Variants in RYR3 observed in about 807,000 individuals in gnomAD.
The protein encoded by RYR3 is brain ryanodine receptor-calcium release channel.
A neutral mutation model predicts 584.3 loss-of-function variants in RYR3; 207 were observed. The ratio of observed to expected loss-of-function variants is 0.35; its 90% CI spans 0.32 to 0.40. The LOEUF is 0.40. RYR3 is among the 10% of genes least tolerant of loss of function. The probability of loss-of-function intolerance (pLI) is 1.00; values close to 1 mark genes in which losing one functional copy is unlikely to be tolerated. For missense variants in RYR3, 5,616 were observed against 6,089.2 expected (o/e 0.92, Z 2.59); for synonymous variants, 2,416 against 2,248.5 (o/e 1.07, Z -2.11).
chr15:33,823,739 A>T (rs1383500282), intron 81 of RYR3, among the ~76,000 whole-genome samples: 1 of 152,230 alleles, frequency 6.6e-6, no homozygotes, highest in Non-Finnish European at 1.5e-5. Flanking sequence ...CTGAATTCAG[A>T]GATGAGCCAG....
Position 33,670,828 on chromosome 15 carries a change from A to G in RYR3, c.5860+272A>G, listed in dbSNP as rs1330313947. Among the ~76,000 whole-genome samples the G allele has an allele frequency of 7.9e-5, 12 of 152,060 alleles. 1 individual carries two copies. The highest frequency in any genetic ancestry group is 7.9e-4 in the Admixed American group (12 of 15,262). On this transcript the variant is annotated intron_variant, in intron 38 of 103. Transcript: ENST00000634891. ...GTGTTCTACTTAGAGGTGCCTGTAA[A>G]TACATGTCTGTTCTTCTTTTAGGTT...
At chr15:33,324,355 A>C (rs555593738) in intron 1 of RYR3, among the ~76,000 whole-genome samples, 42 of 152,346 alleles carry the variant, frequency 2.8e-4, no homozygotes, top group African/African-American at 9.9e-4. Flanking sequence ...TACTCTAAAA[A>C]AGTGGCATCT....
intron 2 of RYR3, among the ~76,000 whole-genome samples, chr15:33,488,202 A>T (rs2050633143): frequency 6.6e-6 from 1 of 152,186 alleles, no homozygotes; most frequent in South Asian, 2.1e-4. Flanking sequence ...AGTGGTGGGA[A>T]TCTTCACAAA....
chr15:33,529,424 C>T (rs1419620586), intron 3 of RYR3, among the ~76,000 whole-genome samples: 1 of 152,098 alleles, frequency 6.6e-6, no homozygotes, highest in Non-Finnish European at 1.5e-5. Context: ...TACCTGATTC[C>T]CTTTCCTCTG....
At chr15:33,403,328 G>A (rs575275244) in intron 1 of RYR3, among the ~76,000 whole-genome samples, 28 of 152,284 alleles carry the variant, frequency 1.8e-4, no homozygotes, top group Middle Eastern at 3.4e-3. Flanking sequence ...ATTGGGCTTT[G>A]TGAAGCGGAG....
At chr15:33,704,047 A>C (rs1366474373) in intron 42 of RYR3, among the ~76,000 whole-genome samples, 2 of 152,160 alleles carry the variant, frequency 1.3e-5, no homozygotes, top group African/African-American at 4.8e-5. Context: ...AGGCAGGTGA[A>C]TCATTTGAGG....
At chr15:33,675,207 C>T (rs1424755582) in intron 38 of RYR3, among the ~76,000 whole-genome samples, 7 of 152,240 alleles carry the variant, frequency 4.6e-5, no homozygotes, top group Non-Finnish European at 1.0e-4. Context: ...CTAACACTTA[C>T]GTGGTACCCA....
intron 8 of RYR3, among the ~76,000 whole-genome samples, chr15:33,544,256 G>A (rs986303535): frequency 1.3e-5 from 2 of 151,858 alleles, no homozygotes; most frequent in African/African-American, 4.8e-5. Context: ...AGTCTTAAAC[G>A]CATACTAAAG....
chr15:33,482,247 G>A (rs1467682113), intron 2 of RYR3, among the ~76,000 whole-genome samples: 1 of 152,016 alleles, frequency 6.6e-6, no homozygotes, highest in Non-Finnish European at 1.5e-5. Flanking sequence ...TCTTCTTGCA[G>A]CACTTTGAAG....
At chr15:33,396,146 A>G (rs796309871) in intron 1 of RYR3, among the ~76,000 whole-genome samples, 191 of 152,224 alleles carry the variant, frequency 1.3e-3, no homozygotes, top group African/African-American at 4.4e-3. Flanking sequence ...GAAGGATCTT[A>G]CATTCAGGGG....
At chr15:33,568,028 T>C (rs1398087863) in intron 12 of RYR3, among the ~76,000 whole-genome samples, 2 of 152,176 alleles carry the variant, frequency 1.3e-5, no homozygotes, top group African/African-American at 4.8e-5. Flanking sequence ...GATTGTAACA[T>C]CAACCTCAGT....
rs139063789 is a variant in RYR3 at position 33,664,589 on chromosome 15, G to GTATATATATATATA, written c.5619+865_5619+878dup. 4.6e-3 allele frequency among the ~76,000 whole-genome samples: 423 copies of GTATATATATATATA among 91,330 alleles called. 18 individuals are homozygous for GTATATATATATATA. The highest frequency in any genetic ancestry group is 0.014 in the African/African-American group (323 of 22,730). The allele number at this position is 91,330 out of a possible 152,430, so 59.9% of individuals were successfully genotyped here. On this transcript the variant is annotated intron_variant, in intron 36 of 103. Coordinates refer to ENST00000634891, the MANE Select transcript of RYR3 (RefSeq NM_001036.6). ...TATATAGATATATGTGTGTGTGTGT[G>GTATATATATATATA]TATATATATATATATATATATATAT...
intron 7 of RYR3, among the ~76,000 whole-genome samples, chr15:33,542,076 T>C (rs1014585762): frequency 6.6e-6 from 1 of 152,174 alleles, no homozygotes; most frequent in Non-Finnish European, 1.5e-5. Context: ...TATAGAAGTG[T>C]TGAGTGCCGT....
intron 2 of RYR3, among the ~76,000 whole-genome samples, chr15:33,482,405 TTTGTTGTTG>T (rs759791360): frequency 1.3e-5 from 2 of 151,948 alleles, no homozygotes; most frequent in Non-Finnish European, 2.9e-5. Context: ...CAATTTGGTT[TTTGTTGTTG>T]TTGTTGTTGT....
intron 76 of RYR3, among the ~76,000 whole-genome samples, chr15:33,818,985 T>G (rs1485446813): frequency 2.6e-5 from 4 of 152,088 alleles, no homozygotes; most frequent in Non-Finnish European, 5.9e-5. Context: ...TAGCCGGGCA[T>G]GGTGGTGCAC....
intron 1 of RYR3, among the ~76,000 whole-genome samples, chr15:33,361,027 T>C (rs1348089293): frequency 1.3e-5 from 2 of 152,202 alleles, no homozygotes; most frequent in East Asian, 1.9e-4. Context: ...AAGCAGATGT[T>C]GCAGCTCCTA....
At chr15:33,661,424 A>G (rs1239222533) in intron 34 of RYR3, among the ~76,000 whole-genome samples, 1 of 152,222 alleles carries the variant, frequency 6.6e-6, no homozygotes, top group African/African-American at 2.4e-5. Flanking sequence ...AGGTCGTTGG[A>G]GGAACACCCC....
At chr15:33,539,272 G>C in intron 5 of RYR3, 78 bp from the exon 6 acceptor site, 1 of 852,308 alleles carries the variant, frequency 1.2e-6, no homozygotes, top group East Asian at 2.7e-5. Context: ...GTTGTCCTAA[G>C]AGGAAGGAGA....
intron 36 of RYR3, among the ~76,000 whole-genome samples, chr15:33,668,757 A>C (rs1050852694): frequency 4.6e-5 from 7 of 152,220 alleles, no homozygotes; most frequent in African/African-American, 1.4e-4. Context: ...AAAACATTAA[A>C]ATATGCAAAC....
Sources: allele counts gnomAD v4.1 joint callset (sites outside exome capture counted in the v4.1 genomes callset), GRCh38; gene constraint gnomAD v4.1.1; transcripts MANE v1.5; gene names NCBI Gene and HGNC (gene_info 2026-07-23, HGNC 2026-07-21).